Variants in RP1 observed in about 807,000 individuals in gnomAD.
The protein encoded by RP1 is RP1 axonemal microtubule associated, also known as oxygen-regulated protein 1.
In RP1, 16 loss-of-function variants were observed where a neutral mutation model predicts 14.8. The observed-to-expected ratio is 1.08, with a 90% CI of 0.73 to 1.65. The LOEUF is 1.65. Ranked by LOEUF, RP1 falls within the 40% of genes most tolerant of loss-of-function variation. RP1 has a pLI of 0.00. For missense variants in RP1, 2,631 were observed against 2,535.0 expected (o/e 1.04, Z -0.81); for synonymous variants, 876 against 883.6 (o/e 0.99, Z 0.15).
intron 1 of RP1, among the ~76,000 whole-genome samples, chr8:54,564,112 G>A (rs748943921): frequency 1.3e-4 from 20 of 152,172 alleles, no homozygotes; most frequent in African/African-American, 4.1e-4. Flanking sequence ...TCATGATCCC[G>A]GAATTGTCGG....
intron 24 of RP1, among the ~76,000 whole-genome samples, chr8:54,810,927 T>A (rs889755897): frequency 6.6e-6 from 1 of 152,156 alleles, no homozygotes; most frequent in Non-Finnish European, 1.5e-5. Context: ...TCTGCGCAAA[T>A]GCATGGAAGA....
At chr8:54,669,569 C>T (rs560279904) in intron 7 of RP1, among the ~76,000 whole-genome samples, 2 of 152,270 alleles carry the variant, frequency 1.3e-5, no homozygotes, top group East Asian at 1.9e-4. Flanking sequence ...TATAAAGACA[C>T]GTGCACACGT....
intron 24 of RP1, among the ~76,000 whole-genome samples, chr8:54,830,144 G>T (rs1290274598): frequency 6.6e-6 from 1 of 152,112 alleles, no homozygotes; most frequent in Non-Finnish European, 1.5e-5. Context: ...CGCCAAATAT[G>T]ATTGCGTATT....
At chr8:54,852,650 C>G in exon 26 of RP1, 4 of 1,231,870 alleles carry the variant, frequency 3.2e-6, no homozygotes, top group Non-Finnish European at 4.0e-6. Flanking sequence ...TTATCAACCT[C>G]ATCGGTACCA....
In RP1 at chr8:54,627,630, T is replaced by C. The variant is rs752345458; in HGVS notation, c.3748T>C (p.Cys1250Arg). The part of the protein sequence containing the change: ...SASEACAPEV[C>R]VLEVTCSPCE... ...CAGTGAGGCATGTGCCCCTGAAGTC[T>C]GTGTTTTGGAAGTGACTTGCTCTCC... The change falls in exon 4 of 4, where the codon TGT becomes CGT. Residue 1250 changes from cysteine to arginine, a missense_variant. Cys to Arg is a radical substitution (Grantham distance 180, BLOSUM62 -3). Coordinates refer to ENST00000220676, the MANE Select transcript of RP1 (RefSeq NM_006269.2). 1 of 1,614,200 alleles carries C rather than the reference T, an allele frequency of 6.2e-7. No individual in the cohort carries two copies. Among genetic ancestry groups the C allele is most frequent in the South Asian group, 1.1e-5 (1 of 91,086 alleles).
At chr8:54,849,042 C>T (rs1487200677) in intron 25 of RP1, among the ~76,000 whole-genome samples, 6 of 152,106 alleles carry the variant, frequency 3.9e-5, no homozygotes, top group Non-Finnish European at 5.9e-5. Flanking sequence ...AGCTACTGCA[C>T]GTGGCCTAGG....
chr8:54,570,331 A>AG (rs1804493825), intron 1 of RP1, among the ~76,000 whole-genome samples: 1 of 114,574 alleles, frequency 8.7e-6, no homozygotes, highest in Admixed American at 9.8e-5. Context: ...GCTTTTATGT[A>AG]CTTTTTTTTT....
rs115817224 is a variant in RP1 at position 54,863,958 on chromosome 8, C to T, written c.4070-1877C>T. 5.1e-3 allele frequency among the ~76,000 whole-genome samples: 778 copies of T among 152,254 alleles called. 6 individuals are homozygous for T. The highest frequency in any genetic ancestry group is 0.017 in the African/African-American group (714 of 41,548). Reference sequence around the variant, plus strand: ...GACAGCAAAGTGTATAGTTGTGTTGCTTCCTTGTTTACCAATAATGAATCC... The same window carrying T: ...GACAGCAAAGTGTATAGTTGTGTTGTTTCCTTGTTTACCAATAATGAATCC... On this transcript the variant is annotated intron_variant, in intron 27 of 28. Coordinates refer to the RP1 transcript ENST00000637698.
At chr8:54,858,008 G>A (rs1412341781) in intron 27 of RP1, among the ~76,000 whole-genome samples, 1 of 152,026 alleles carries the variant, frequency 6.6e-6, no homozygotes, top group Admixed American at 6.6e-5. Context: ...TAGATTTTGA[G>A]TTTTTTAAAG....
chr8:54,688,579 C>G (rs1487634535), intron 12 of RP1, among the ~76,000 whole-genome samples: 1 of 152,160 alleles, frequency 6.6e-6, no homozygotes, highest in Non-Finnish European at 1.5e-5. Flanking sequence ...AATCCTTTCC[C>G]CATTTCTTGT....
chr8:54,758,051 G>T (rs1585666836), intron 21 of RP1, among the ~76,000 whole-genome samples: 3 of 152,196 alleles, frequency 2.0e-5, no homozygotes, highest in African/African-American at 7.2e-5. Flanking sequence ...TGGTAACAAT[G>T]CAGGGAGCAG....
At chr8:54,804,406 A>G (rs1810797282) in intron 24 of RP1, among the ~76,000 whole-genome samples, 1 of 152,224 alleles carries the variant, frequency 6.6e-6, no homozygotes, top group African/African-American at 2.4e-5. Context: ...TGTAGGGTAG[A>G]CATTCATCAT....
At chr8:54,742,787 G>A (rs928898292) in intron 19 of RP1, among the ~76,000 whole-genome samples, 1 of 152,216 alleles carries the variant, frequency 6.6e-6, no homozygotes, top group African/African-American at 2.4e-5. Flanking sequence ...CATGAGTTAA[G>A]TGGGCCTGAA....
At chr8:54,842,493 C>A (rs892921692) in intron 25 of RP1, among the ~76,000 whole-genome samples, 2 of 152,110 alleles carry the variant, frequency 1.3e-5, no homozygotes, top group Non-Finnish European at 2.9e-5. Context: ...ACCAGGAGCA[C>A]GGCAGAGCAG....
At chr8:54,846,219 A>G (rs1365102795) in intron 25 of RP1, among the ~76,000 whole-genome samples, 3 of 152,208 alleles carry the variant, frequency 2.0e-5, no homozygotes, top group Admixed American at 6.5e-5. Context: ...ATTGGCTTCA[A>G]TTCCTTTATA....
intron 12 of RP1, among the ~76,000 whole-genome samples, chr8:54,686,465 C>T (rs1807565559): frequency 6.6e-6 from 1 of 151,378 alleles, no homozygotes; most frequent in South Asian, 2.1e-4. Context: ...TTTTTCCATA[C>T]TTAGAGAGTT....
rs1749858335 is a variant in RP1 at position 54,710,049 on chromosome 8, C to T, written c.2211+3394C>T. Reference sequence around the variant, plus strand: ...TGTGCTGGGATCCAGGCCCTGACGCCTAACCCTGGCAGTGGGCTGTGACCT... The same window carrying T: ...TGTGCTGGGATCCAGGCCCTGACGCTTAACCCTGGCAGTGGGCTGTGACCT... On this transcript the variant is annotated intron_variant, in intron 15 of 22. Coordinates refer to the RP1 transcript ENST00000636932. Among the ~76,000 whole-genome samples, 3 of 152,176 alleles carry T rather than the reference C, an allele frequency of 2.0e-5. No individual in the cohort carries two copies. In the South Asian group the frequency reaches 6.2e-4, roughly 32 times the overall value.
chr8:54,741,534 C>T (rs1809085236), intron 19 of RP1, among the ~76,000 whole-genome samples: 1 of 151,660 alleles, frequency 6.6e-6, no homozygotes, highest in African/African-American at 2.4e-5. Context: ...ATGTAGTAGG[C>T]TATTCCATCT....
chr8:54,804,655 G>A (rs113767204), intron 24 of RP1, among the ~76,000 whole-genome samples: 1 of 152,052 alleles, frequency 6.6e-6, no homozygotes, highest in East Asian at 1.9e-4. Flanking sequence ...AGTATAAGAT[G>A]GGATAAAAGA....
Sources: gnomAD v4.1 joint callset for allele counts (sites outside exome capture counted in the v4.1 genomes callset) on GRCh38, gnomAD v4.1.1 for gene constraint, MANE v1.5 for transcripts, NCBI Gene and HGNC (gene_info 2026-07-23, HGNC 2026-07-21) for gene names.